The following VRK2 variants were observed in gnomAD, a reference collection of about 807,000 sequenced individuals.
VRK2 encodes VRK serine/threonine kinase 2.
VRK2 carries 60 observed loss-of-function variants against 57.6 expected under a neutral mutation model. The observed-to-expected ratio is 1.04, with a 90% CI of 0.85 to 1.29. The LOEUF (loss-of-function observed/expected upper bound fraction) is 1.29, where lower values mean the gene tolerates loss of function less well. Among genes scored for constraint, VRK2 ranks in the 50% most tolerant of loss-of-function variants. The pLI is 0.00. For synonymous variants in VRK2, 231 were observed against 199.2 expected (o/e 1.16, Z -1.35); for missense variants, 705 against 588.1 (o/e 1.20, Z -2.06).
chr2:58,094,987 T>C (rs751394071), intron 7 of VRK2, among the ~76,000 whole-genome samples: 1 of 152,186 alleles, frequency 6.6e-6, no homozygotes, highest in Non-Finnish European at 1.5e-5. Flanking sequence ...TATTATTTTG[T>C]TTAGTTTCAT....
intron 7 of VRK2, among the ~76,000 whole-genome samples, chr2:58,120,566 C>T (rs1283910263): frequency 6.6e-6 from 1 of 152,124 alleles, no homozygotes; most frequent in Non-Finnish European, 1.5e-5. Context: ...AACCCAGAGG[C>T]CTGTAGCTTA....
chr2:58,020,670 G>A (rs945110170), intron 1 of VRK2, among the ~76,000 whole-genome samples: 12 of 152,206 alleles, frequency 7.9e-5, no homozygotes, highest in Non-Finnish European at 1.8e-4. Flanking sequence ...AGAAATTGTG[G>A]ATGCTTCTGG....
rs1325700003 is a variant in VRK2 at position 58,140,306 on chromosome 2, T to TA, written c.1023+482dup. The stretch of plus-strand genomic sequence containing the variant: ...AAGAGTTTATGCCAGAGATCTAGGT[T>TA]AAAAAAAATCATTTTTTAAAAGTTA... On this transcript the variant is annotated intron_variant, in intron 11 of 12. Transcript: ENST00000340157. 1.3e-4 allele frequency among the ~76,000 whole-genome samples: 19 copies of TA among 151,958 alleles called. 1 individual carries two copies. The South Asian group carries it at 2.9e-3, about 23-fold the overall frequency.
chr2:58,085,930 C>CTTTTTTTTTTT (rs59333442), intron 4 of VRK2, among the ~76,000 whole-genome samples: 17 of 116,846 alleles, frequency 1.5e-4, no homozygotes, highest in East Asian at 5.2e-4. Flanking sequence ...CTTTTTTTTT[C>CTTTTTTTTTTT]TTTTTTTTTT....
intron 7 of VRK2, among the ~76,000 whole-genome samples, chr2:58,093,667 A>G (rs1246328598): frequency 2.0e-5 from 3 of 152,004 alleles, no homozygotes; most frequent in Non-Finnish European, 4.4e-5. Flanking sequence ...TCTTTAGTTT[A>G]ATTAGATCCC....
intron 7 of VRK2, among the ~76,000 whole-genome samples, chr2:58,099,815 A>G (rs536789872): frequency 6.6e-6 from 1 of 152,196 alleles, no homozygotes; most frequent in Middle Eastern, 3.4e-3. Flanking sequence ...CAGAATTGCA[A>G]ATCACTTAAC....
chr2:58,093,505 G>T (rs968020615), intron 7 of VRK2, among the ~76,000 whole-genome samples: 1 of 151,950 alleles, frequency 6.6e-6, no homozygotes, highest in Non-Finnish European at 1.5e-5. Flanking sequence ...ACTTTTTGAT[G>T]GGGTTGTTTG....
chr2:58,069,563 G>A (rs765977542), intron 2 of VRK2, among the ~76,000 whole-genome samples: 4 of 152,040 alleles, frequency 2.6e-5, no homozygotes, highest in Non-Finnish European at 5.9e-5. Flanking sequence ...AGGGTGTAGA[G>A]TATAAAAAGT....
chr2:58,127,016 C>T (rs1678456953), intron 8 of VRK2, among the ~76,000 whole-genome samples: 1 of 152,008 alleles, frequency 6.6e-6, no homozygotes. Flanking sequence ...CAGACCTGTG[C>T]ATTGAGTCTG....
At chr2:57,957,982 G>A (rs564769583) in intron 1 of VRK2, among the ~76,000 whole-genome samples, 2 of 152,224 alleles carry the variant, frequency 1.3e-5, no homozygotes, top group South Asian at 4.1e-4. Context: ...CGAAGTTGAG[G>A]CAATGCAAAT....
In VRK2 at chr2:58,155,802, G is replaced by GCTGTACCT. The variant is rs1558714283; in HGVS notation, c.1183-3547_1183-3546insCTGTACCT. Among the ~76,000 whole-genome samples the GCTGTACCT allele has an allele frequency of 3.0e-5, 4 of 134,716 alleles. No homozygotes were observed. In the South Asian group the frequency reaches 7.7e-4, roughly 26 times the overall value. The allele number at this position is 134,716 out of a possible 152,430, so 88.4% of individuals were successfully genotyped here. On this transcript the variant is annotated intron_variant, in intron 12 of 12. Transcript: ENST00000340157. Reference sequence around the variant, plus strand: ...CCGTTTCCACAGCACCTGGAGAGAAGTAAGGTACAGCTTCTTTCATGGTGT... The same window carrying GCTGTACCT: ...CCGTTTCCACAGCACCTGGAGAGAAGCTGTACCTTAAGGTACAGCTTCTTTCATGGTGT...
chr2:58,072,703 T>G (rs1669525178), intron 2 of VRK2, among the ~76,000 whole-genome samples: 1 of 152,098 alleles, frequency 6.6e-6, no homozygotes, highest in African/African-American at 2.4e-5. Context: ...TTATGAGAGA[T>G]ATTGATTTGT....
At chr2:58,123,335 C>G (rs766735100) in intron 8 of VRK2, 102 bp downstream of exon 8, 1 of 1,367,114 alleles carries the variant, frequency 7.3e-7, no homozygotes, top group Non-Finnish European at 9.8e-7. Context: ...CAGTTTGAAG[C>G]ATAAGAGCAC....
chr2:58,083,097 C>T (rs1671128171), intron 2 of VRK2, among the ~76,000 whole-genome samples: 1 of 151,670 alleles, frequency 6.6e-6, no homozygotes, highest in African/African-American at 2.4e-5. Flanking sequence ...TGATCCTGTT[C>T]TCAAGTCTGT....
chr2:58,084,893 AATGGCCCGTT>A lies in VRK2; in HGVS notation c.202_211del (p.Gly68PhefsTer20). ...CTTTTTTTTATAGGAATATCAAGAA[AATGGCCCGTT>A]ATTTTCAGAACTTAAATTTTATCAG... On this transcript the variant is annotated frameshift_variant, in exon 4 of 13. Transcript: ENST00000340157. LOFTEE classifies it high-confidence loss of function. 1 of 1,578,286 alleles carries A rather than the reference AATGGCCCGTT, an allele frequency of 6.3e-7. No individual in the cohort carries two copies. Among genetic ancestry groups the A allele is most frequent in the Non-Finnish European group, 8.6e-7 (1 of 1,162,578 alleles).
intron 4 of VRK2, 57 bp downstream of exon 4, chr2:58,085,007 T>C (rs1480746108): frequency 1.4e-6 from 2 of 1,478,914 alleles, no homozygotes; most frequent in African/African-American, 1.4e-5. Context: ...AAAGTGAGTG[T>C]TGATATTTTG....
At chr2:57,949,681 A>G (rs1671366864) in intron 1 of VRK2, among the ~76,000 whole-genome samples, 1 of 152,212 alleles carries the variant, frequency 6.6e-6, no homozygotes, top group South Asian at 2.1e-4. Flanking sequence ...ATTCAAGTGA[A>G]AGGAAGAGTT....
intron 8 of VRK2, among the ~76,000 whole-genome samples, chr2:58,131,511 G>T (rs1300945965): frequency 1.3e-5 from 2 of 152,028 alleles, no homozygotes; most frequent in East Asian, 3.9e-4. Flanking sequence ...GTTATGGGTT[G>T]TCTGGATCAT....
chr2:57,928,536 C>A (rs1322392508), intron 1 of VRK2, among the ~76,000 whole-genome samples: 1 of 152,064 alleles, frequency 6.6e-6, no homozygotes, highest in African/African-American at 2.4e-5. Flanking sequence ...TTGGTCCTTG[C>A]TGACTTATTT....
Sources: gnomAD v4.1 joint callset for allele counts (sites outside exome capture counted in the v4.1 genomes callset) on GRCh38, gnomAD v4.1.1 for gene constraint, MANE v1.5 for transcripts, NCBI Gene and HGNC (gene_info 2026-07-23, HGNC 2026-07-21) for gene names.